ILDR2: variants seen among roughly 807,000 people sequenced by gnomAD.
ILDR2 encodes immunoglobulin-like domain-containing receptor 2.
ILDR2 carries 25 observed loss-of-function variants against 66.8 expected under a neutral mutation model. That is an observed-to-expected ratio of 0.37 (90% CI 0.27 to 0.52). The LOEUF is 0.52. Ranked by LOEUF, ILDR2 falls within the 20% of genes least tolerant of loss-of-function variation. The pLI, the probability that ILDR2 is intolerant of heterozygous loss-of-function variation, is 0.88. For synonymous variants in ILDR2, 367 were observed against 357.2 expected (o/e 1.03, Z -0.31); for missense variants, 827 against 876.8 (o/e 0.94, Z 0.72).
intron 1 of ILDR2, among the ~76,000 whole-genome samples, chr1:166,972,019 G>A (rs1229932422): frequency 1.3e-5 from 2 of 151,972 alleles, no homozygotes; most frequent in African/African-American, 2.4e-5. Flanking sequence ...TGAGACCCAC[G>A]TAGCCAACAT....
intron 1 of ILDR2, among the ~76,000 whole-genome samples, chr1:166,967,180 T>C (rs1357898475): frequency 6.6e-6 from 1 of 152,200 alleles, no homozygotes; most frequent in Non-Finnish European, 1.5e-5. Flanking sequence ...GCCACTTCTC[T>C]CAAAACAAGT....
intron 2 of ILDR2, among the ~76,000 whole-genome samples, chr1:166,898,375 T>G (rs1178874748): frequency 1.3e-5 from 2 of 152,242 alleles, no homozygotes; most frequent in Non-Finnish European, 2.9e-5. Flanking sequence ...CAGATCATTC[T>G]GTGTCTTTGT....
chr1:166,937,461 T>C (rs1661053622), intron 4 of ILDR2, among the ~76,000 whole-genome samples: 1 of 152,276 alleles, frequency 6.6e-6, no homozygotes, highest in Non-Finnish European at 1.5e-5. Flanking sequence ...ACACTCAAGC[T>C]GCCCATGCTA....
In ILDR2 at chr1:166,914,997, G is replaced by A. The variant is rs906018756; in HGVS notation, c.*4358C>T. Reference sequence around the variant, plus strand: ...TTTGTATGCTTTATAAAATGATTGAGTTTTTCTATTTCCCCAATGGCATCT... The same window carrying A: ...TTTGTATGCTTTATAAAATGATTGAATTTTTCTATTTCCCCAATGGCATCT... On this transcript the variant is annotated 3_prime_UTR_variant, in exon 10 of 10. Transcript: ENST00000271417. The A allele has an allele frequency of 2.0e-5, 3 of 152,146 alleles. No individual in the cohort carries two copies. The highest frequency in any genetic ancestry group is 7.2e-5 in the African/African-American group (3 of 41,426). The allele number at this position is 152,146 out of a possible 1,614,324, so 9.4% of individuals were successfully genotyped here.
At position 166,915,730 on chromosome 1, in the gene ILDR2, T is replaced by C. The variant is rs1028981806; in HGVS notation, c.*3625A>G. The C allele has an allele frequency of 6.6e-6, 1 of 152,242 alleles. No homozygotes were observed. Among genetic ancestry groups the C allele is most frequent in the Admixed American group, 6.5e-5 (1 of 15,290 alleles). 9.4% of individuals were successfully genotyped at this position (152,242 alleles called of 1,614,324 possible). A position where few individuals can be genotyped will look rare whatever the true frequency, so the allele number is the denominator to read the frequency against. ...AGGCAAGATCTAATCAGACTACCTATGTGAAATTTTGTGGACTATTCAGAA... is the reference window on the plus strand; with the variant it reads ...AGGCAAGATCTAATCAGACTACCTACGTGAAATTTTGTGGACTATTCAGAA... On this transcript the variant is annotated 3_prime_UTR_variant, in exon 10 of 10. Transcript: ENST00000271417.
intron 4 of ILDR2, among the ~76,000 whole-genome samples, chr1:166,938,148 G>A (rs945934053): frequency 3.9e-5 from 6 of 152,190 alleles, no homozygotes; most frequent in African/African-American, 1.2e-4. Context: ...CATTCATGCC[G>A]AGGACAATCG....
rs72707835 is a variant in ILDR2, at chr1:166,942,411, T to C, written c.500-2841A>G. ...GCTGCTACTAGTCACCTCTAGCCAC[T>C]TGTGGCCCCATAGAAATGTGTCTTC... On this transcript the variant is annotated intron_variant, in intron 3 of 9. Coordinates refer to ENST00000271417, the MANE Select transcript of ILDR2 (RefSeq NM_199351.3). Among the ~76,000 whole-genome samples the C allele has an allele frequency of 8.0e-3, 1,226 of 152,354 alleles. 9 individuals carry two copies. The highest frequency in any genetic ancestry group is 0.012 in the Admixed American group (191 of 15,306).
Position 166,921,175 on chromosome 1 carries a change from G to T in ILDR2, c.1416C>A (p.Asp472Glu). 1 of 1,559,708 alleles carries T rather than the reference G, an allele frequency of 6.4e-7. No homozygotes were observed. The highest frequency in any genetic ancestry group is 8.6e-7 in the Non-Finnish European group (1 of 1,159,992). The change falls in exon 9 of 10, where the codon GAC becomes GAA. Residue 472 changes from aspartate to glutamate, a missense_variant. Around this residue, in one of 2 missense-constraint regions of ILDR2, gnomAD observed 390 missense variants for 353.6 expected, o/e 1.10. Coordinates refer to ENST00000271417, the MANE Select transcript of ILDR2 (RefSeq NM_199351.3). This position sits in a 1 kb window ranked among gnomAD's most constrained non-coding sequence, Gnocchi z 5.3. ...SRAHSGFYQD[D>E]SLEEYYGQRS... is the part of the protein sequence containing the mutation. Reference sequence around the variant, plus strand: ...GCTGACCGTAGTACTCCTCCAAGGAGTCGTCCTGGTAGAAGCCGCTGTGCG... The same window carrying T: ...GCTGACCGTAGTACTCCTCCAAGGATTCGTCCTGGTAGAAGCCGCTGTGCG...
At chr1:166,920,600 C>T in intron 9 of ILDR2, 107 bp downstream of exon 9, 2 of 1,243,946 alleles carry the variant, frequency 1.6e-6, no homozygotes, top group Non-Finnish European at 2.1e-6. Flanking sequence ...CCGGCAAGGA[C>T]CCTCCCGCCT....
At position 166,935,314 on chromosome 1, in the gene ILDR2, T is replaced by A. The variant is rs1660882050; in HGVS notation, c.867A>T (p.Gly289=). The change falls in exon 6 of 10, where the codon GGA becomes GGT. Residue 289 remains glycine (G), a synonymous_variant. Transcript: ENST00000271417. The stretch of plus-strand genomic sequence containing the variant: ...AACTACATTTACCACTGTGGCTTCC[T>A]CCAGTGGAGTCACTTGGTGCCAAGG... ...PPPLAPSDST[G]GSHSVRKGYR... is the part of the protein sequence containing the mutation. 1 of 1,614,020 alleles carries A rather than the reference T, an allele frequency of 6.2e-7. No homozygotes were observed. Among genetic ancestry groups the A allele is most frequent in the Non-Finnish European group, 8.5e-7 (1 of 1,180,002 alleles).
At position 166,935,447 on chromosome 1, in the gene ILDR2, C is replaced by G; in HGVS notation, c.734G>C (p.Gly245Ala). ...GACACCGGAGACAGAGGGAGGGTACCCGGCCTTTGCTGCTTTCCCTGCTTC... is the reference window on the plus strand; with the variant it reads ...GACACCGGAGACAGAGGGAGGGTACGCGGCCTTTGCTGCTTTCCCTGCTTC... Reference protein sequence around the residue: ...LYEAGKAAKAGYPPSVSGVPG... With the variant: ...LYEAGKAAKAAYPPSVSGVPG... Residue 245 changes from glycine (G) to alanine (A), a missense_variant, in exon 6 of 10, where the codon GGG becomes GCG. Transcript: ENST00000271417. 6.2e-7 allele frequency: 1 copy of G among 1,606,710 alleles called. No homozygotes were observed. The highest frequency in any genetic ancestry group is 1.1e-5 in the South Asian group (1 of 89,856).
Position 166,913,752 on chromosome 1 carries a change from A to G in ILDR2, c.*5603T>C, listed in dbSNP as rs1008131691. 6.6e-6 allele frequency: 1 copy of G among 152,240 alleles called. No individual in the cohort carries two copies. Among genetic ancestry groups the G allele is most frequent in the Non-Finnish European group, 1.5e-5 (1 of 68,040 alleles). The allele number at this position is 152,240 out of a possible 1,614,324, so 9.4% of individuals were successfully genotyped here. A position where few individuals can be genotyped will look rare whatever the true frequency, so the allele number is the denominator to read the frequency against. On this transcript the variant is annotated 3_prime_UTR_variant, in exon 10 of 10. Transcript: ENST00000271417. Reference sequence around the variant, plus strand: ...CAGATGAATCTGTCGTTTCATTCAGAAACTTCTCTGCAAGAAGGATTCTCC... The same window carrying G: ...CAGATGAATCTGTCGTTTCATTCAGGAACTTCTCTGCAAGAAGGATTCTCC...
At position 166,921,308 on chromosome 1, in the gene ILDR2, T is replaced by C; in HGVS notation, c.1283A>G (p.Asp428Gly). ...GGAGTCAGCGAAGGCCGCCAGCTCGTCCATGGAAACGGCCGGCACCCCCGT... is the reference window on the plus strand; with the variant it reads ...GGAGTCAGCGAAGGCCGCCAGCTCGCCCATGGAAACGGCCGGCACCCCCGT... ...FATGVPAVSM[D>G]ELAAFADSYG... Residue 428 changes from aspartate to glycine, a missense_variant, in exon 9 of 10, where the codon GAC (aspartate) becomes GGC (glycine). This residue lies in a region of ILDR2 where 390 missense variants were observed against 353.6 expected (regional missense o/e 1.10). Coordinates refer to ENST00000271417, the MANE Select transcript of ILDR2 (RefSeq NM_199351.3). The surrounding 1 kb of genome is among the most constrained non-coding windows in gnomAD (Gnocchi z 5.3). 1.3e-6 allele frequency: 2 copies of C among 1,593,132 alleles called. No individual in the cohort carries two copies. The highest frequency in any genetic ancestry group is 1.3e-5 in the African/African-American group (1 of 74,374).
chr1:166,924,324 A>C (rs974307662), intron 7 of ILDR2, among the ~76,000 whole-genome samples: 1 of 152,220 alleles, frequency 6.6e-6, no homozygotes, highest in African/African-American at 2.4e-5. Flanking sequence ...AGGCCTTTAA[A>C]ATGCACCAAA....
chr1:166,900,653 G>A (rs924993646), intron 2 of ILDR2, among the ~76,000 whole-genome samples: 1 of 152,178 alleles, frequency 6.6e-6, no homozygotes, highest in Non-Finnish European at 1.5e-5. Context: ...GCAAAGACGG[G>A]ATTTGAATTC....
intron 6 of ILDR2, among the ~76,000 whole-genome samples, chr1:166,928,017 A>G (rs1386393913): frequency 3.9e-5 from 6 of 152,228 alleles, no homozygotes; most frequent in Admixed American, 1.3e-4. Flanking sequence ...GTCTAGCCCA[A>G]TACCAGCCCC....
intron 2 of ILDR2, among the ~76,000 whole-genome samples, chr1:166,900,385 T>C (rs1659239315): frequency 6.6e-6 from 1 of 152,210 alleles, no homozygotes. Flanking sequence ...CTGATGTCTT[T>C]TCTCACAAGC....
At chr1:166,904,865 C>T (rs1659314847), downstream of ILDR2, among the ~76,000 whole-genome samples, 3 of 152,156 alleles carry the variant, frequency 2.0e-5, no homozygotes, top group Admixed American at 2.0e-4. Context: ...TTCCAAAACC[C>T]CACTTCACTG....
chr1:166,896,626 C>A, intron 2 of ILDR2, among the ~76,000 whole-genome samples: 1 of 146,458 alleles, frequency 6.8e-6, no homozygotes, highest in East Asian at 2.0e-4. Context: ...CTAAAATTAA[C>A]TTCATCTACT....
Sources: gnomAD v4.1 joint callset for allele counts (sites outside exome capture counted in the v4.1 genomes callset) on GRCh38, gnomAD v4.1.1 for gene constraint, gnomAD v4.1.1 regional missense constraint, Gnocchi (gnomAD v3.1) non-coding constraint, MANE v1.5 for transcripts, NCBI Gene and HGNC (gene_info 2026-07-23, HGNC 2026-07-21) for gene names.